Variants in ZZEF1 observed in about 807,000 individuals in gnomAD.
The protein encoded by ZZEF1 is zinc finger ZZ-type and EF-hand domain containing 1.
A neutral mutation model predicts 342.8 loss-of-function variants in ZZEF1; 157 were observed. The ratio of observed to expected loss-of-function variants is 0.46; its 90% confidence interval spans 0.40 to 0.52. The LOEUF is 0.52. Among genes scored for constraint, ZZEF1 ranks in the 20% least tolerant of loss-of-function variants. ZZEF1 has a pLI of 0.00. For missense variants in ZZEF1, 3,480 were observed against 3,725.6 expected (o/e 0.93, Z 1.72); for synonymous variants, 1,505 against 1,429.1 (o/e 1.05, Z -1.20).
rs751021366 is a variant in ZZEF1, at chr17:4,049,698, C to T, written c.6015+10G>A. 1 of 1,613,830 alleles carries T rather than the reference C, an allele frequency of 6.2e-7. No homozygotes were observed. The highest frequency in any genetic ancestry group is 1.3e-5 in the African/African-American group (1 of 74,988). ...CCTGTGATTCTGTGTAGTAAAGAAT[C>T]GTCATTTACATTGCCTGCTTCTGAC... is the stretch of plus-strand genomic sequence containing the variant. On this transcript the variant is annotated intron_variant, in intron 37 of 54. Transcript: ENST00000381638.
intron 11 of ZZEF1, among the ~76,000 whole-genome samples, chr17:4,093,453 C>T (rs933137153): frequency 5.9e-5 from 9 of 152,176 alleles, no homozygotes; most frequent in Non-Finnish European, 1.3e-4. Flanking sequence ...TTTCCATCAA[C>T]GGTATTGTAG....
At chr17:4,135,063 G>A (rs1277781293) in intron 1 of ZZEF1, among the ~76,000 whole-genome samples, 6 of 152,166 alleles carry the variant, frequency 3.9e-5, no homozygotes, top group Admixed American at 6.6e-5. Flanking sequence ...AGGATGAAGA[G>A]CTCAGATATT....
chr17:4,123,697 A>AG (rs1173162707), intron 2 of ZZEF1, among the ~76,000 whole-genome samples: 3 of 152,162 alleles, frequency 2.0e-5, no homozygotes, highest in Admixed American at 1.3e-4. Flanking sequence ...CCACGTGACA[A>AG]GGGTTCATGT....
At position 4,112,753 on chromosome 17, in the gene ZZEF1, T is replaced by C. The variant is rs1597910149; in HGVS notation, c.922A>G (p.Thr308Ala). ...TGCTGTGGCATGTAGCTCTGGTCAG[T>C]GGCAGCCACTGCAATGGACAGGTGC... ...LRHLSIAVAA[T>A]DQSYMPQQVT... Residue 308 changes from threonine to alanine, a missense_variant, in exon 5 of 55, where the codon ACT becomes GCT. Around this residue, in one of 5 missense-constraint regions of ZZEF1, gnomAD observed 92 missense variants for 130.3 expected, o/e 0.71. Transcript: ENST00000381638. The C allele has an allele frequency of 5.6e-6, 9 of 1,611,050 alleles. No individual in the cohort carries two copies. The Admixed American group carries it at 1.5e-4, about 27-fold the overall frequency.
rs1025182930 is a variant in ZZEF1 at position 4,086,555 on chromosome 17, C to G, written c.2443G>C (p.Glu815Gln). 1.9e-6 allele frequency: 3 copies of G among 1,614,190 alleles called. No individual in the cohort carries two copies. The highest frequency in any genetic ancestry group is 2.5e-6 in the Non-Finnish European group (3 of 1,180,030). Residue 815 changes from glutamate (E) to glutamine (Q), a missense_variant, in exon 15 of 55, where the codon GAA becomes CAA. By Grantham distance (29) the Glu-to-Gln change is conservative. This residue lies in a region of ZZEF1 where 1,528 missense variants were observed against 1,624.1 expected (regional missense o/e 0.94). Coordinates refer to ENST00000381638, the MANE Select transcript of ZZEF1 (RefSeq NM_015113.4). ...TTAGGGCTTTGGATTGGAGCCTTTT[C>G]CTCCTCAGAAGCAGCCAGTACATCT... Reference protein sequence around the residue: ...QGDVLAASEEEKAPIQSPKGV... With the variant: ...QGDVLAASEEQKAPIQSPKGV...
intron 39 of ZZEF1, among the ~76,000 whole-genome samples, chr17:4,039,101 T>C (rs2056741092): frequency 6.6e-6 from 1 of 151,928 alleles, no homozygotes; most frequent in Non-Finnish European, 1.5e-5. Flanking sequence ...GTCAACTTAA[T>C]GAAATCTCTC....
chr17:4,123,741 A>G (rs528397524), intron 2 of ZZEF1, among the ~76,000 whole-genome samples, 166 bp downstream of exon 2: 2 of 152,276 alleles, frequency 1.3e-5, no homozygotes, highest in East Asian at 3.9e-4. Flanking sequence ...CCACCACCGT[A>G]CTGGGGATGA....
chr17:4,075,362 T>C lies in ZZEF1; in HGVS notation c.3302A>G (p.His1101Arg). 1 of 1,614,244 alleles carries C rather than the reference T, an allele frequency of 6.2e-7. No individual in the cohort carries two copies. Among genetic ancestry groups the C allele is most frequent in the Non-Finnish European group, 8.5e-7 (1 of 1,180,044 alleles). Residue 1101 changes from histidine (H) to arginine (R), a missense_variant, in exon 22 of 55, where the codon CAC becomes CGC. Coordinates refer to ENST00000381638, the MANE Select transcript of ZZEF1 (RefSeq NM_015113.4). ...CTCATGGCAATTATTTTCATAGTTG[T>C]GGGCAGATTCCTTCGTCCACGTATG... ...VLHTWTKESAHNYENNCHEVS... is the reference protein window; with the variant it reads ...VLHTWTKESARNYENNCHEVS...
intron 32 of ZZEF1, 65 bp from the exon 33 acceptor site, chr17:4,056,410 G>C: frequency 6.7e-7 from 1 of 1,488,434 alleles, no homozygotes; most frequent in Non-Finnish European, 9.0e-7. Context: ...GTACTGGTTA[G>C]CAGACCCTGT....
chr17:4,050,717 T>C, intron 36 of ZZEF1, 64 bp downstream of exon 36: 1 of 1,603,734 alleles, frequency 6.2e-7, no homozygotes, highest in Non-Finnish European at 8.5e-7. Flanking sequence ...ATTTTACATT[T>C]GCCAAGGCTT....
intron 42 of ZZEF1, among the ~76,000 whole-genome samples, chr17:4,028,626 A>T (rs796067247): frequency 7.2e-5 from 11 of 152,298 alleles, no homozygotes; most frequent in South Asian, 6.2e-4. Context: ...CACATCAATT[A>T]AAAGACAGGG....
At chr17:4,073,984 T>C (rs541767341) in intron 24 of ZZEF1, among the ~76,000 whole-genome samples, 166 bp downstream of exon 24, 1 of 152,194 alleles carries the variant, frequency 6.6e-6, no homozygotes, top group Admixed American at 6.5e-5. Context: ...AAAAGCTTCG[T>C]GACAATGGTA....
intron 52 of ZZEF1, among the ~76,000 whole-genome samples, chr17:4,011,955 C>CG (rs1567757939): frequency 6.6e-6 from 1 of 152,104 alleles, no homozygotes; most frequent in Non-Finnish European, 1.5e-5. Flanking sequence ...AGGCAGGCCC[C>CG]TCTCTCACTC....
intron 37 of ZZEF1, among the ~76,000 whole-genome samples, chr17:4,048,660 T>C (rs1434555324): frequency 6.6e-6 from 1 of 152,224 alleles, no homozygotes; most frequent in Admixed American, 6.5e-5. Context: ...AACTGTTGAC[T>C]GAATATAAAT....
In ZZEF1 at chr17:4,123,187, T is replaced by C. The variant is rs556672337; in HGVS notation, c.499+720A>G. Among the ~76,000 whole-genome samples the C allele has an allele frequency of 2.2e-3, 334 of 150,116 alleles. 3 individuals carry two copies. The highest frequency in any genetic ancestry group is 7.8e-3 in the African/African-American group (322 of 41,044). ...CGCCCGCCTCGGCCTCCCAAAGTGC[T>C]GGGATTACAGGCGTAAGCCACCGCG... is the stretch of plus-strand genomic sequence containing the variant. On this transcript the variant is annotated intron_variant, in intron 2 of 54. Transcript: ENST00000381638.
intron 37 of ZZEF1, among the ~76,000 whole-genome samples, chr17:4,046,937 T>G (rs1181041384): frequency 6.6e-6 from 1 of 151,740 alleles, no homozygotes; most frequent in Non-Finnish European, 1.5e-5. Flanking sequence ...CACGTGAGAG[T>G]TGAAAAACAG....
At chr17:4,013,048 C>G (rs1282456133) in intron 52 of ZZEF1, among the ~76,000 whole-genome samples, 1 of 148,386 alleles carries the variant, frequency 6.7e-6, no homozygotes, top group Non-Finnish European at 1.5e-5. Context: ...ACAGTCGCAC[C>G]ACAGCACTCC....
chr17:4,063,074 C>T (rs1010793105), intron 29 of ZZEF1, among the ~76,000 whole-genome samples, 157 bp from the exon 30 acceptor site: 1 of 152,238 alleles, frequency 6.6e-6, no homozygotes, highest in African/African-American at 2.4e-5. Context: ...TACCTCTTTA[C>T]TATTTTTAAG....
chr17:4,042,610 A>C, intron 38 of ZZEF1, 42 bp from the exon 39 acceptor site: 1 of 1,599,298 alleles, frequency 6.3e-7, no homozygotes, highest in Non-Finnish European at 8.5e-7. Flanking sequence ...CTGCATCTCC[A>C]CATGTATGAA....
Sources: gnomAD v4.1 joint callset for allele counts (sites outside exome capture counted in the v4.1 genomes callset) on GRCh38, gnomAD v4.1.1 for gene constraint, gnomAD v4.1.1 regional missense constraint, MANE v1.5 for transcripts, NCBI Gene and HGNC (gene_info 2026-07-23, HGNC 2026-07-21) for gene names.